Variants in AGBL4 observed in about 807,000 individuals in gnomAD.
AGBL4 encodes cytosolic carboxypeptidase 6.
AGBL4 carries 58 observed loss-of-function variants against 66.4 expected under a neutral mutation model. The ratio of observed to expected loss-of-function variants is 0.87; its 90% CI spans 0.71 to 1.09. The LOEUF is 1.09. Ranked by LOEUF, AGBL4 falls within the 50% of genes least tolerant of loss-of-function variation. AGBL4 has a pLI of 0.00. For missense variants in AGBL4, 579 were observed against 631.0 expected, an observed-to-expected ratio of 0.92 and a Z score of 0.88; for synonymous variants, 234 against 222.9, an observed-to-expected ratio of 1.05 and a Z score of -0.44.
At chr1:49,149,499 T>C (rs1380766826) in intron 4 of AGBL4, among the ~76,000 whole-genome samples, 2 of 152,230 alleles carry the variant, frequency 1.3e-5, no homozygotes, top group East Asian at 1.9e-4. Context: ...TCTAGGAATG[T>C]AGGGACTACA....
chr1:48,724,076 C>T (rs186326749), intron 6 of AGBL4, among the ~76,000 whole-genome samples: 1 of 152,080 alleles, frequency 6.6e-6, no homozygotes, highest in African/African-American at 2.4e-5. Flanking sequence ...TCACTGCATA[C>T]GGGGTCAGCA....
intron 4 of AGBL4, among the ~76,000 whole-genome samples, chr1:49,080,191 A>C (rs190251748): frequency 1.4e-4 from 21 of 152,258 alleles, no homozygotes; most frequent in Admixed American, 1.2e-3. Context: ...TACCACATAA[A>C]TGTTAATAGA....
At chr1:48,884,928 G>A (rs1891844) in intron 5 of AGBL4, among the ~76,000 whole-genome samples, 75,336 of 148,622 alleles carry the variant, frequency 0.51, 21,937 homozygotes, top group Non-Finnish European at 0.67. Flanking sequence ...GAAAGAAAGA[G>A]AGAGAGCAAG....
At chr1:49,477,843 C>CA (rs1646876807) in intron 3 of AGBL4, among the ~76,000 whole-genome samples, 1 of 151,492 alleles carries the variant, frequency 6.6e-6, no homozygotes, top group Admixed American at 6.6e-5. Context: ...ATAATTTTAT[C>CA]AAATAAATGT....
intron 3 of AGBL4, among the ~76,000 whole-genome samples, chr1:49,372,677 TTCTC>T (rs777558291): frequency 7.9e-6 from 1 of 126,430 alleles, no homozygotes; most frequent in East Asian, 2.3e-4. Context: ...CTTTCTTTCT[TTCTC>T]TTTCTTTCTC....
At chr1:49,921,317 A>G (rs1652217305) in intron 1 of AGBL4, among the ~76,000 whole-genome samples, 1 of 152,202 alleles carries the variant, frequency 6.6e-6, no homozygotes, top group African/African-American at 2.4e-5. Flanking sequence ...TAGAAAAAAA[A>G]TTGTCTTCAA....
At chr1:49,379,621 C>T (rs1180878601) in intron 3 of AGBL4, among the ~76,000 whole-genome samples, 1 of 152,124 alleles carries the variant, frequency 6.6e-6, no homozygotes. Flanking sequence ...GCCTTTTCTG[C>T]ATCTATTGAG....
At chr1:49,772,065 T>C (rs1644076744) in intron 2 of AGBL4, among the ~76,000 whole-genome samples, 2 of 152,130 alleles carry the variant, frequency 1.3e-5, no homozygotes, top group Admixed American at 6.5e-5. Context: ...TCTTCCTCTC[T>C]AGTTATTTAC....
chr1:49,105,802 A>T (rs1164557625), intron 4 of AGBL4, among the ~76,000 whole-genome samples: 1 of 152,186 alleles, frequency 6.6e-6, no homozygotes, highest in Non-Finnish European at 1.5e-5. Flanking sequence ...ATGTATGGAA[A>T]ACTCTTAGCA....
At chr1:49,851,324 A>T in intron 2 of AGBL4, 72 bp downstream of exon 2, 1 of 1,447,176 alleles carries the variant, frequency 6.9e-7, no homozygotes, top group Non-Finnish European at 9.1e-7. Context: ...GAATGGTCAC[A>T]TAAAATTCAA....
rs76804974 is a variant in AGBL4 at position 48,903,876 on chromosome 1, A to C, written c.595-36646T>G. ...AATGTTTAAGGTGCTTTTTCCTTTA[A>C]TAACCTCATGCTTCTGAGATTAGGA... On this transcript the variant is annotated intron_variant, in intron 5 of 13. Coordinates refer to ENST00000371839, the MANE Select transcript of AGBL4 (RefSeq NM_032785.4). Among the ~76,000 whole-genome samples, 45 of 152,268 alleles carry C rather than the reference A, an allele frequency of 3.0e-4. 1 individual carries two copies. In the East Asian group the frequency reaches 6.8e-3, roughly 23 times the overall value.
At chr1:49,001,752 T>C (rs1011472787) in intron 5 of AGBL4, among the ~76,000 whole-genome samples, 1 of 152,188 alleles carries the variant, frequency 6.6e-6, no homozygotes, top group Non-Finnish European at 1.5e-5. Flanking sequence ...AGTTCTTAAA[T>C]TTAAGTGTGA....
At chr1:48,852,045 AC>A (rs1168137247) in intron 6 of AGBL4, among the ~76,000 whole-genome samples, 2 of 99,414 alleles carry the variant, frequency 2.0e-5, no homozygotes, top group African/African-American at 4.5e-5. Context: ...TTTTTCAGAT[AC>A]CTACTTTATC....
chr1:49,844,973 T>C, intron 2 of AGBL4: 1 of 1,383,188 alleles, frequency 7.2e-7, no homozygotes. Flanking sequence ...CATCAACCAA[T>C]GACTCCTGAA....
chr1:49,425,817 A>G lies in AGBL4; in HGVS notation c.283-179953T>C, dbSNP rs374128327. On this transcript the variant is annotated intron_variant, in intron 3 of 13. Coordinates refer to ENST00000371839, the MANE Select transcript of AGBL4 (RefSeq NM_032785.4). ...AGTATAGGAAGAGCAATATGGTACA[A>G]TGTAAAGTGCATGGTACAGTACATA... Among the ~76,000 whole-genome samples the G allele has an allele frequency of 3.5e-4, 53 of 152,302 alleles. 1 individual carries two copies. The South Asian group carries it at 9.7e-3, about 28-fold the overall frequency.
At chr1:49,525,693 G>A (rs1650602675) in intron 3 of AGBL4, among the ~76,000 whole-genome samples, 1 of 152,030 alleles carries the variant, frequency 6.6e-6, no homozygotes, top group Admixed American at 6.5e-5. Flanking sequence ...CCAGACGGGA[G>A]TTCAGGGGCA....
chr1:49,483,519 A>G (rs985377730), intron 3 of AGBL4, among the ~76,000 whole-genome samples: 1 of 152,034 alleles, frequency 6.6e-6, no homozygotes, highest in African/African-American at 2.4e-5. Flanking sequence ...AATAGCCAAT[A>G]AGTGGTGCTG....
intron 3 of AGBL4, among the ~76,000 whole-genome samples, chr1:49,693,930 T>C (rs560721089): frequency 6.6e-6 from 1 of 152,232 alleles, no homozygotes; most frequent in South Asian, 2.1e-4. Flanking sequence ...GGACATTTAG[T>C]TTTCATTGAT....
At chr1:49,910,194 AAACATC>A (rs1239986717) in intron 1 of AGBL4, among the ~76,000 whole-genome samples, 1 of 152,220 alleles carries the variant, frequency 6.6e-6, no homozygotes, top group Non-Finnish European at 1.5e-5. Flanking sequence ...CAAACAAGTG[AAACATC>A]AACAACAACA....
Sources: gnomAD v4.1 joint callset for allele counts (sites outside exome capture counted in the v4.1 genomes callset) on GRCh38, gnomAD v4.1.1 for gene constraint, MANE v1.5 for transcripts, NCBI Gene and HGNC (gene_info 2026-07-23, HGNC 2026-07-21) for gene names.